The following DENND10 variants were observed in gnomAD, a reference collection of about 807,000 sequenced individuals.
The protein encoded by DENND10 is DENN domain-containing protein 10.
DENND10 carries 24 observed loss-of-function variants against 43.6 expected under a neutral mutation model. That is an observed-to-expected ratio of 0.55 (90% CI 0.40 to 0.77). The LOEUF (loss-of-function observed/expected upper bound fraction) is 0.77, where lower values mean the gene tolerates loss of function less well. Ranked by LOEUF, DENND10 falls within the 30% of genes least tolerant of loss-of-function variation. The pLI is 0.00. For missense variants in DENND10, 303 were observed against 429.9 expected (o/e 0.70, Z 2.61); for synonymous variants, 125 against 157.6 (o/e 0.79, Z 1.55).
intron 5 of DENND10, 39 bp from the exon 6 acceptor site, chr10:119,123,430 G>T (rs1296309284): frequency 6.8e-7 from 1 of 1,469,248 alleles, no homozygotes; most frequent in African/African-American, 1.4e-5. Context: ...TTTAAGGTGT[G>T]GACCAGCAAC....
At chr10:119,128,477 G>A (rs34887065) in intron 6 of DENND10, among the ~76,000 whole-genome samples, 53,752 of 151,044 alleles carry the variant, frequency 0.36, 10,431 homozygotes, top group Non-Finnish European at 0.42. Context: ...GCGTGGTGGC[G>A]CACACCTGTA....
chr10:119,125,771 C>T (rs2133511376), intron 6 of DENND10, among the ~76,000 whole-genome samples: 1 of 152,230 alleles, frequency 6.6e-6, no homozygotes, highest in South Asian at 2.1e-4. Flanking sequence ...CCCGCCTCAG[C>T]TTCCCAAAGT....
Position 119,120,189 on chromosome 10 carries a change from G to A in DENND10, c.482-152G>A, listed in dbSNP as rs562165842. ...CTTGAGCCCAGGAGGCAGAGGTTGC[G>A]GTGAGCAACTATCTTGCCACTGCAT... On this transcript the variant is annotated intron_variant, in intron 4 of 8. Transcript: ENST00000361432. 1.2e-4 allele frequency: 61 copies of A among 507,236 alleles called. No homozygotes were observed. The Middle Eastern group carries it at 1.7e-3, about 14-fold the overall frequency. 31.4% of individuals were successfully genotyped at this position (507,236 alleles called of 1,614,324 possible). A position where few individuals can be genotyped will look rare whatever the true frequency, so the allele number is the denominator to read the frequency against.
At chr10:119,104,268 AG>A in intron 1 of DENND10, 71 bp downstream of exon 1, 4 of 1,391,626 alleles carry the variant, frequency 2.9e-6, no homozygotes, top group African/African-American at 1.5e-5. Context: ...GGCCCGGGGC[AG>A]CCCGGGCTCC....
chr10:119,122,532 T>C (rs1845624610), intron 5 of DENND10, among the ~76,000 whole-genome samples: 1 of 152,162 alleles, frequency 6.6e-6, no homozygotes, highest in Non-Finnish European at 1.5e-5. Flanking sequence ...CTGCCCTCTC[T>C]GGGTCCAAAA....
chr10:119,123,003 C>T (rs919419118), intron 5 of DENND10, among the ~76,000 whole-genome samples: 4 of 152,196 alleles, frequency 2.6e-5, no homozygotes, highest in African/African-American at 9.6e-5. Flanking sequence ...TGCAGTGGCT[C>T]ACGCCTGTAA....
chr10:119,116,028 T>C (rs1845254703), intron 3 of DENND10, among the ~76,000 whole-genome samples: 1 of 152,166 alleles, frequency 6.6e-6, no homozygotes, highest in African/African-American at 2.4e-5. Flanking sequence ...CCTCCCAAAG[T>C]GCCGTGATTA....
intron 6 of DENND10, among the ~76,000 whole-genome samples, chr10:119,124,091 G>A (rs183792378): frequency 1.6e-4 from 24 of 151,208 alleles, no homozygotes; most frequent in African/African-American, 5.1e-4. Flanking sequence ...TACTTGGGAG[G>A]CTGAGGCAGG....
intron 6 of DENND10, among the ~76,000 whole-genome samples, chr10:119,128,541 G>A (rs1209653950): frequency 6.6e-6 from 1 of 151,670 alleles, no homozygotes; most frequent in Non-Finnish European, 1.5e-5. Context: ...CTGGGAGGTG[G>A]AGGTTGCGGT....
chr10:119,127,073 A>ATT (rs1324168423), intron 6 of DENND10, among the ~76,000 whole-genome samples: 1 of 134,706 alleles, frequency 7.4e-6, no homozygotes, highest in African/African-American at 2.8e-5. Context: ...TAATTTTTGT[A>ATT]TTTTTTTTTT....
In DENND10 at chr10:119,128,854, C is replaced by T. The variant is rs573862386; in HGVS notation, c.695-661C>T. Among the ~76,000 whole-genome samples the T allele has an allele frequency of 7.5e-4, 114 of 152,182 alleles. 1 individual carries two copies. Among genetic ancestry groups the T allele is most frequent in the Non-Finnish European group, 1.4e-3 (98 of 68,014 alleles). ...TTTTGTGAGAACTCAATCACGAGAACCACACTAAGAGGATGGTGCTAAACC... is the reference window on the plus strand; with the variant it reads ...TTTTGTGAGAACTCAATCACGAGAATCACACTAAGAGGATGGTGCTAAACC... On this transcript the variant is annotated intron_variant, in intron 6 of 8. Transcript: ENST00000361432.
At position 119,108,146 on chromosome 10, in the gene DENND10, T is replaced by C; in HGVS notation, c.234T>C (p.Asp78=). The change falls in exon 2 of 9, where the codon GAT becomes GAC. Residue 78 remains aspartate, a synonymous_variant. Transcript: ENST00000361432. ...WFYITTIEVP[D]SSILKKVTHF... Reference sequence around the variant, plus strand: ...ATATCACAACAATTGAAGTTCCAGATTCTTCCATTTTGAAAAAGGTATGAT... The same window carrying C: ...ATATCACAACAATTGAAGTTCCAGACTCTTCCATTTTGAAAAAGGTATGAT... 1 of 1,612,670 alleles carries C rather than the reference T, an allele frequency of 6.2e-7. No homozygotes were observed. The highest frequency in any genetic ancestry group is 8.5e-7 in the Non-Finnish European group (1 of 1,178,894).
At chr10:119,116,278 C>T (rs574146477) in intron 3 of DENND10, among the ~76,000 whole-genome samples, 15 of 152,220 alleles carry the variant, frequency 9.9e-5, no homozygotes, top group Middle Eastern at 3.4e-3. Flanking sequence ...TTTAACTTGA[C>T]GATGAATGTC....
Position 119,124,262 on chromosome 10 carries a change from A to C in DENND10, c.694+693A>C, listed in dbSNP as rs1341881932. Among the ~76,000 whole-genome samples, 3 of 151,080 alleles carry C rather than the reference A, an allele frequency of 2.0e-5. No individual in the cohort carries two copies. In the Admixed American group the frequency reaches 2.0e-4, roughly 10 times the overall value. On this transcript the variant is annotated intron_variant, in intron 6 of 8. Transcript: ENST00000361432. Reference sequence around the variant, plus strand: ...TTTTTTTGGCCGGGCGCGGTGCCTCATGCCTATAATCCTAGCACTTTAGGA... The same window carrying C: ...TTTTTTTGGCCGGGCGCGGTGCCTCCTGCCTATAATCCTAGCACTTTAGGA...
intron 3 of DENND10, among the ~76,000 whole-genome samples, chr10:119,113,702 A>AG (rs1167831877): frequency 6.5e-4 from 99 of 151,648 alleles, no homozygotes; most frequent in Middle Eastern, 3.4e-3. Flanking sequence ...AAAAAAAAAA[A>AG]AGAGAAAAAC....
chr10:119,113,094 G>A (rs1382170809), intron 3 of DENND10, among the ~76,000 whole-genome samples: 6 of 150,002 alleles, frequency 4.0e-5, no homozygotes, highest in Non-Finnish European at 7.4e-5. Context: ...CAAGTGATCC[G>A]CCCGCCTTGG....
intron 4 of DENND10, among the ~76,000 whole-genome samples, chr10:119,119,903 A>G (rs1845477732): frequency 6.6e-6 from 1 of 152,032 alleles, no homozygotes; most frequent in African/African-American, 2.4e-5. Context: ...TCTTCCACCA[A>G]ATAAAGTGTT....
intron 4 of DENND10, among the ~76,000 whole-genome samples, chr10:119,118,074 A>G (rs746028634): frequency 4.6e-5 from 7 of 152,242 alleles, no homozygotes; most frequent in Non-Finnish European, 7.3e-5. Context: ...CTAATAGAAT[A>G]ATTACATAAT....
intron 6 of DENND10, among the ~76,000 whole-genome samples, chr10:119,128,605 C>A (rs1412785179): frequency 7.8e-4 from 109 of 140,368 alleles, no homozygotes; most frequent in South Asian, 1.3e-3. Context: ...GAGACTGTCT[C>A]AAAAAAAAAA....
Sources: gnomAD v4.1 joint callset for allele counts (sites outside exome capture counted in the v4.1 genomes callset) on GRCh38, gnomAD v4.1.1 for gene constraint, MANE v1.5 for transcripts, NCBI Gene and HGNC (gene_info 2026-07-23, HGNC 2026-07-21) for gene names.